Variants in COL6A2 observed in about 807,000 individuals in gnomAD.
COL6A2 encodes the protein collagen type VI alpha 2 chain.
COL6A2 carries 90 observed loss-of-function variants against 124.9 expected under a neutral mutation model. The observed-to-expected ratio is 0.72, with a 90% CI of 0.61 to 0.86. The LOEUF is 0.86. Among genes scored for constraint, COL6A2 ranks in the 40% least tolerant of loss-of-function variants. The pLI is 0.00. For synonymous variants in COL6A2, 793 were observed against 618.2 expected, an observed-to-expected ratio of 1.28 and a Z score of -4.19; for missense variants, 1,607 against 1,502.5, an observed-to-expected ratio of 1.07 and a Z score of -1.15.
rs772856604 is a variant in COL6A2 at position 46,112,671 on chromosome 21, C to T, written c.714+94C>T. 810 of 1,589,880 alleles carry T rather than the reference C, an allele frequency of 5.1e-4. 3 individuals carry two copies. Among genetic ancestry groups the T allele is most frequent in the South Asian group, 6.0e-4 (54 of 90,520 alleles). On this transcript the variant is annotated intron_variant, in intron 3 of 27. Coordinates refer to ENST00000300527, the MANE Select transcript of COL6A2 (RefSeq NM_001849.4). Reference sequence around the variant, plus strand: ...GCCTCACTTTACCCCTCTGTGAGTGCGGAGGCCGAAGGAGGAAGCTCCGGG... The same window carrying T: ...GCCTCACTTTACCCCTCTGTGAGTGTGGAGGCCGAAGGAGGAAGCTCCGGG...
chr21:46,126,559 G>A lies in COL6A2; in HGVS notation c.2461+18G>A, dbSNP rs202015749. On this transcript the variant is annotated intron_variant, in intron 27 of 27. Transcript: ENST00000300527. ...CCAAACAGGTAATGCAGGGCACCCT[G>A]AGCCACCACCCCAGACTAGCAAAGC... 25 of 1,613,318 alleles carry A rather than the reference G, an allele frequency of 1.5e-5. No homozygotes were observed. Among genetic ancestry groups the A allele is most frequent in the Middle Eastern group, 3.3e-4 (2 of 6,062 alleles).
intron 4 of COL6A2, 139 bp from the exon 5 acceptor site, chr21:46,113,868 CG>C: frequency 1.4e-6 from 1 of 737,866 alleles, no homozygotes; most frequent in South Asian, 1.5e-5. Context: ...AGCTCCCTCA[CG>C]CCCGCCCAGG....
In COL6A2 at chr21:46,120,518, G is replaced by C. The variant is rs535007570; in HGVS notation, c.1336G>C (p.Asp446His). The change falls in exon 16 of 28, where the codon GAC becomes CAC. Residue 446 changes from aspartate to histidine, a missense_variant. Physicochemically the swap from Asp to His is moderately conservative, Grantham distance 81. This residue lies in a region of COL6A2 where 1,223 missense variants were observed against 1,052.2 expected (regional missense o/e 1.16). Transcript: ENST00000300527. ...GSDGPKGEKG[D>H]PGPEGPRGLA... ...GGCCTCCCTTCCCTTCCCACAGGGG[G>C]ACCCTGGCCCTGAGGGGCCCCGCGG... 7.5e-5 allele frequency: 113 copies of C among 1,507,350 alleles called. No individual in the cohort carries two copies. The African/African-American group carries it at 1.5e-3, about 20-fold the overall frequency. The allele number at this position is 1,507,350 out of a possible 1,614,324, so 93.4% of individuals were successfully genotyped here. A position where few individuals can be genotyped will look rare whatever the true frequency, so the allele number is the denominator to read the frequency against.
At chr21:46,129,604 C>T (rs1290634781) in intron 27 of COL6A2, 45 of 1,434,958 alleles carry the variant, frequency 3.1e-5, no homozygotes, top group South Asian at 2.7e-4. Context: ...TCGGGGTCAG[C>T]GGGGCTACAG....
chr21:46,122,380 T>C (rs2078580455), intron 19 of COL6A2, 116 bp from the exon 20 acceptor site: 17 of 1,431,608 alleles, frequency 1.2e-5, no homozygotes, highest in Non-Finnish European at 1.7e-5. Context: ...CACAGTGGCC[T>C]CACCCAGAGT....
chr21:46,120,934 G>A (rs2078555982), intron 16 of COL6A2, 127 bp from the exon 17 acceptor site: 3 of 868,770 alleles, frequency 3.5e-6, no homozygotes, highest in Non-Finnish European at 5.8e-6. Context: ...CTCCGGGGAG[G>A]GTCATAGGGG....
chr21:46,119,292 C>G (rs80354669), intron 14 of COL6A2, among the ~76,000 whole-genome samples, 173 bp downstream of exon 14: 2 of 152,186 alleles, frequency 1.3e-5, no homozygotes, highest in Admixed American at 1.3e-4. Context: ...CGGGACCCCC[C>G]AGAGCTGGAC....
In COL6A2 at chr21:46,119,805, C is replaced by G. The variant is rs755258603; in HGVS notation, c.1287C>G (p.Pro429=). The part of the protein sequence containing the change: ...PKGEPGRRGD[P]GTKGSPGSDG... Reference sequence around the variant, plus strand: ...CTCTGCAGGGGCGCAGGGGAGACCCCGGCACCAAGGGCAGCCCAGGCAGCG... The same window carrying G: ...CTCTGCAGGGGCGCAGGGGAGACCCGGGCACCAAGGGCAGCCCAGGCAGCG... Residue 429 remains proline (P), a synonymous_variant, in exon 15 of 28, where the codon CCC becomes CCG. Transcript: ENST00000300527. The G allele has an allele frequency of 6.4e-7, 1 of 1,564,104 alleles. No individual in the cohort carries two copies. Among genetic ancestry groups the G allele is most frequent in the East Asian group, 2.3e-5 (1 of 42,850 alleles).
chr21:46,127,610 C>T (rs532502512), intron 27 of COL6A2, among the ~76,000 whole-genome samples: 1 of 152,300 alleles, frequency 6.6e-6, no homozygotes, highest in South Asian at 2.1e-4. Context: ...ACCCTGAGGG[C>T]AGGAACCAGA....
chr21:46,127,790 A>G (rs1308273835), intron 27 of COL6A2, among the ~76,000 whole-genome samples: 1 of 152,082 alleles, frequency 6.6e-6, no homozygotes, highest in East Asian at 1.9e-4. Flanking sequence ...CCTCCACTCC[A>G]GGTTCTATCG....
At chr21:46,107,499 A>G (rs932107525) in intron 1 of COL6A2, among the ~76,000 whole-genome samples, 1 of 152,194 alleles carries the variant, frequency 6.6e-6, no homozygotes, top group Non-Finnish European at 1.5e-5. Flanking sequence ...TTGCATCTGT[A>G]AGGAATCTCT....
rs1193152104 is a variant in COL6A2, at chr21:46,120,496, C to CTCCCT, written c.1333-9_1333-5dup. ...AGGCCTCAGCTGAGACCCGTGGGGCCTCCCTTCCCTTCCCACAGGGGGACC... is the reference window on the plus strand; with the variant it reads ...AGGCCTCAGCTGAGACCCGTGGGGCCTCCCTTCCCTTCCCTTCCCACAGGGGGACC... On this transcript the variant is annotated intron_variant, in intron 15 of 27. Coordinates refer to ENST00000300527, the MANE Select transcript of COL6A2 (RefSeq NM_001849.4). 3.3e-6 allele frequency: 5 copies of CTCCCT among 1,524,432 alleles called. No homozygotes were observed. Among genetic ancestry groups the CTCCCT allele is most frequent in the Non-Finnish European group, 4.4e-6 (5 of 1,136,922 alleles). The allele number at this position is 1,524,432 out of a possible 1,614,324, so 94.4% of individuals were successfully genotyped here.
chr21:46,116,232 C>A lies in COL6A2; in HGVS notation c.901-145C>A. On this transcript the variant is annotated intron_variant, in intron 7 of 27. Transcript: ENST00000300527. This position sits in a 1 kb window ranked among gnomAD's most constrained non-coding sequence, Gnocchi z 4.6. ...ACCCAGCCTCCAGCCCGACCCAGGG[C>A]TCAGCCTCCTCCGCAGACTGTTTGT... 1.7e-6 allele frequency: 2 copies of A among 1,163,794 alleles called. No homozygotes were observed. Among genetic ancestry groups the A allele is most frequent in the Non-Finnish European group, 2.5e-6 (2 of 799,292 alleles). The allele number at this position is 1,163,794 out of a possible 1,614,324, so 72.1% of individuals were successfully genotyped here. A position where few individuals can be genotyped will look rare whatever the true frequency, so the allele number is the denominator to read the frequency against.
intron 27 of COL6A2, among the ~76,000 whole-genome samples, chr21:46,127,324 G>A (rs900891233): frequency 2.0e-5 from 3 of 152,140 alleles, no homozygotes; most frequent in Non-Finnish European, 4.4e-5. Flanking sequence ...CACGCGGGTC[G>A]CGGTGTGCGT....
In COL6A2 at chr21:46,111,501, C is replaced by T; in HGVS notation, c.25C>T (p.Leu9Phe). Residue 9 changes from leucine to phenylalanine, a missense_variant, in exon 2 of 28, where the codon CTC (leucine) becomes TTC (phenylalanine). Coordinates refer to ENST00000300527, the MANE Select transcript of COL6A2 (RefSeq NM_001849.4). Reference sequence around the variant, plus strand: ...GATGCTCCAGGGCACCTGCTCCGTGCTCCTGCTCTGGGGAATCCTGGGGGC... The same window carrying T: ...GATGCTCCAGGGCACCTGCTCCGTGTTCCTGCTCTGGGGAATCCTGGGGGC... MLQGTCSV[L>F]LLWGILGAIQ... 6.2e-7 allele frequency: 1 copy of T among 1,612,748 alleles called. No individual in the cohort carries two copies. The highest frequency in any genetic ancestry group is 8.5e-7 in the Non-Finnish European group (1 of 1,179,726).
chr21:46,127,481 G>A (rs2078690544), intron 27 of COL6A2, among the ~76,000 whole-genome samples: 1 of 152,132 alleles, frequency 6.6e-6, no homozygotes, highest in Admixed American at 6.5e-5. Context: ...GCTTGCACCT[G>A]GGTCTGGCTG....
chr21:46,118,749 G>A (rs186797464), intron 13 of COL6A2, 73 bp downstream of exon 13: 39 of 1,501,498 alleles, frequency 2.6e-5, no homozygotes, highest in African/African-American at 8.2e-5. Context: ...GAACAGTCAC[G>A]CTGGCCACCA....
chr21:46,112,951 CATGT>C (rs2078425766), intron 4 of COL6A2, 127 bp downstream of exon 4: 1 of 1,216,200 alleles, frequency 8.2e-7, no homozygotes, highest in African/African-American at 1.5e-5. Flanking sequence ...TCACCTGCTC[CATGT>C]TGGACCTGAG....
rs201427728 is a variant in COL6A2, at chr21:46,125,795, G to C, written c.1980G>C (p.Val660=). 2 of 1,611,708 alleles carry C rather than the reference G, an allele frequency of 1.2e-6. No individual in the cohort carries two copies. Among genetic ancestry groups the C allele is most frequent in the African/African-American group, 2.7e-5 (2 of 75,028 alleles). The part of the protein sequence containing the change: ...KDPKSETGTR[V]GVVQYSHEGT... ...GCGTGCGGCTTGCAGGGACGCGTGT[G>C]GGCGTGGTGCAGTACAGCCACGAGG... The change falls in exon 26 of 28, where the codon GTG becomes GTC. Residue 660 remains valine, a synonymous_variant. Transcript: ENST00000300527.
Sources: gnomAD v4.1 joint callset for allele counts (sites outside exome capture counted in the v4.1 genomes callset) on GRCh38, gnomAD v4.1.1 for gene constraint, gnomAD v4.1.1 regional missense constraint, Gnocchi (gnomAD v3.1) non-coding constraint, MANE v1.5 for transcripts, NCBI Gene and HGNC (gene_info 2026-07-23, HGNC 2026-07-21) for gene names.